The following ANKDD1B variants were observed in gnomAD, a reference collection of about 807,000 sequenced individuals.
The protein encoded by ANKDD1B is ankyrin repeat and death domain-containing protein 1B.
ANKDD1B carries 57 observed loss-of-function variants against 59.7 expected under a neutral mutation model. The observed-to-expected ratio is 0.95, with a 90% CI of 0.77 to 1.19. The LOEUF is 1.19. ANKDD1B is among the 50% of genes most tolerant of loss of function. The pLI is 0.00. For missense variants in ANKDD1B, 602 were observed against 641.9 expected (o/e 0.94, Z 0.67); for synonymous variants, 216 against 239.5 (o/e 0.90, Z 0.91).
intron 6 of ANKDD1B, 69 bp from the exon 7 acceptor site, chr5:75,635,715 G>A: frequency 1.0e-6 from 1 of 1,004,904 alleles, no homozygotes; most frequent in Non-Finnish European, 1.5e-6. Flanking sequence ...CTCCATTGCA[G>A]CCCTTACTAT....
At chr5:75,622,728 C>A (rs1036290338) in intron 3 of ANKDD1B, among the ~76,000 whole-genome samples, 11 of 152,210 alleles carry the variant, frequency 7.2e-5, no homozygotes, top group African/African-American at 2.4e-4. Context: ...GAGCAATGTA[C>A]ACTTTACAGA....
At chr5:75,667,091 C>T (rs1442900285) in intron 12 of ANKDD1B, 98 bp downstream of exon 12, 2 of 747,866 alleles carry the variant, frequency 2.7e-6, no homozygotes, top group East Asian at 3.0e-5. Flanking sequence ...GTGGCACTCA[C>T]AATAAGCTGC....
chr5:75,649,529 C>T (rs568895240), intron 7 of ANKDD1B, among the ~76,000 whole-genome samples: 34 of 152,172 alleles, frequency 2.2e-4, no homozygotes, highest in African/African-American at 8.2e-4. Context: ...AGTCTGTAGG[C>T]CCTACACACG....
At chr5:75,651,147 A>T (rs79964303) in intron 7 of ANKDD1B, among the ~76,000 whole-genome samples, 1,584 of 152,338 alleles carry the variant, frequency 0.01, 30 homozygotes, top group African/African-American at 0.036. Context: ...CAAAGCAGTT[A>T]CAGGGTCGAC....
chr5:75,662,727 G>T (rs969462978), intron 10 of ANKDD1B, among the ~76,000 whole-genome samples: 1 of 152,054 alleles, frequency 6.6e-6, no homozygotes, highest in South Asian at 2.1e-4. Context: ...AAGTTACCAT[G>T]TGGGCTCCAG....
At chr5:75,629,529 A>G (rs1774091600) in intron 5 of ANKDD1B, among the ~76,000 whole-genome samples, 1 of 152,146 alleles carries the variant, frequency 6.6e-6, no homozygotes, top group South Asian at 2.1e-4. Context: ...ATTTGATAAC[A>G]TCAAATTTGA....
At chr5:75,618,430 A>G (rs889541187) in intron 2 of ANKDD1B, among the ~76,000 whole-genome samples, 2 of 152,212 alleles carry the variant, frequency 1.3e-5, no homozygotes, top group Admixed American at 1.3e-4. Context: ...GAGAGATACT[A>G]CAATCTGATA....
intron 5 of ANKDD1B, among the ~76,000 whole-genome samples, chr5:75,630,073 G>A (rs1011188492): frequency 6.6e-6 from 1 of 152,134 alleles, no homozygotes; most frequent in African/African-American, 2.4e-5. Context: ...TGGAGCCCAG[G>A]GCTCTGACAC....
At chr5:75,661,143 A>C (rs1775127232) in intron 10 of ANKDD1B, among the ~76,000 whole-genome samples, 3 of 151,414 alleles carry the variant, frequency 2.0e-5, no homozygotes, top group Admixed American at 2.0e-4. Flanking sequence ...TCACACCTGT[A>C]ATCTCAGCAC....
rs1370543295 is a variant in ANKDD1B at position 75,646,905 on chromosome 5, A to C, written c.799-6237A>C. ...ATGGTACTGGTACCAAAACAGAGAT[A>C]TAGATCAATGGAACAGAACAGAGCC... On this transcript the variant is annotated intron_variant, in intron 7 of 13. Transcript: ENST00000601380. 2.6e-3 allele frequency among the ~76,000 whole-genome samples: 146 copies of C among 56,848 alleles called. 2 individuals carry two copies. The highest frequency in any genetic ancestry group is 0.013 in the Middle Eastern group (1 of 80). 37.3% of individuals were successfully genotyped at this position (56,848 alleles called of 152,430 possible).
chr5:75,615,281 G>C (rs1292927230), intron 1 of ANKDD1B, among the ~76,000 whole-genome samples: 1 of 152,164 alleles, frequency 6.6e-6, no homozygotes, highest in African/African-American at 2.4e-5. Flanking sequence ...GATTAGTTCA[G>C]GAATGTGTCT....
chr5:75,654,575 G>A (rs768843982), intron 8 of ANKDD1B, among the ~76,000 whole-genome samples: 16 of 152,116 alleles, frequency 1.1e-4, no homozygotes, highest in Non-Finnish European at 2.4e-4. Context: ...AGCTACTTGG[G>A]AGGCTGAGGT....
intron 5 of ANKDD1B, among the ~76,000 whole-genome samples, chr5:75,628,636 G>T (rs2112969665): frequency 6.6e-6 from 1 of 152,288 alleles, no homozygotes; most frequent in Middle Eastern, 3.4e-3. Context: ...CATCTCTTTG[G>T]CCTGGAGGGA....
chr5:75,615,956 C>A (rs76043444), intron 1 of ANKDD1B, among the ~76,000 whole-genome samples: 1 of 152,038 alleles, frequency 6.6e-6, no homozygotes. Flanking sequence ...GTCTTTGCTT[C>A]GGCAAAAACT....
At chr5:75,653,321 G>T in intron 8 of ANKDD1B, 81 bp downstream of exon 8, 1 of 921,446 alleles carries the variant, frequency 1.1e-6, no homozygotes, top group Non-Finnish European at 1.7e-6. Context: ...TTGCAGATAC[G>T]TGTAGGAGAT....
intron 7 of ANKDD1B, among the ~76,000 whole-genome samples, chr5:75,636,937 G>A (rs900291999): frequency 6.6e-6 from 1 of 151,960 alleles, no homozygotes; most frequent in African/African-American, 2.4e-5. Flanking sequence ...TTCAGGTGGA[G>A]TGTTAGCGAG....
chr5:75,632,082 G>A (rs1369645179), intron 5 of ANKDD1B, among the ~76,000 whole-genome samples: 1 of 150,352 alleles, frequency 6.7e-6, no homozygotes, highest in Non-Finnish European at 1.5e-5. Context: ...ACTGCAGCCT[G>A]GGCAACAGAG....
Position 75,662,357 on chromosome 5 carries a change from G to A in ANKDD1B, c.1096-1037G>A, listed in dbSNP as rs1579977491. On this transcript the variant is annotated intron_variant, in intron 10 of 13. Transcript: ENST00000601380. ...TCAGCCCTAATTTTCCTGCTCCCCT[G>A]GGTCTTAGTGCCTAGACTAAGAACC... is the stretch of plus-strand genomic sequence containing the variant. Among the ~76,000 whole-genome samples, 3 of 152,156 alleles carry A rather than the reference G, an allele frequency of 2.0e-5. No individual in the cohort carries two copies. The South Asian group carries it at 6.2e-4, about 32-fold the overall frequency.
rs368513518 is a variant in ANKDD1B, at chr5:75,646,832, A to G, written c.799-6310A>G. On this transcript the variant is annotated intron_variant, in intron 7 of 13. Coordinates refer to ENST00000601380, the MANE Select transcript of ANKDD1B (RefSeq NM_001276713.2). ...AAAAGAACAAAGCTGGAGGCATCAC[A>G]CTACCTGACTTCAAACTATACTGCA... Among the ~76,000 whole-genome samples, 17 of 112,672 alleles carry G rather than the reference A, an allele frequency of 1.5e-4. 1 individual carries two copies. The highest frequency in any genetic ancestry group is 5.0e-4 in the South Asian group (2 of 4,008). 73.9% of individuals were successfully genotyped at this position (112,672 alleles called of 152,430 possible). A position where few individuals can be genotyped will look rare whatever the true frequency, so the allele number is the denominator to read the frequency against.
Sources: allele counts gnomAD v4.1 joint callset (sites outside exome capture counted in the v4.1 genomes callset), GRCh38; gene constraint gnomAD v4.1.1; transcripts MANE v1.5; gene names NCBI Gene and HGNC (gene_info 2026-07-23, HGNC 2026-07-21).